The following ANKRD11 variants were observed in gnomAD, a reference collection of about 807,000 sequenced individuals.
The protein encoded by ANKRD11 is ankyrin repeat domain-containing protein 11.
A neutral mutation model predicts 195.7 loss-of-function variants in ANKRD11; 17 were observed. The observed-to-expected ratio is 0.09, with a 90% CI of 0.06 to 0.13. The LOEUF (loss-of-function observed/expected upper bound fraction) is 0.13. Ranked by LOEUF, ANKRD11 falls within the 10% of genes least tolerant of loss-of-function variation. ANKRD11 has a pLI of 1.00. For missense variants in ANKRD11, 3,735 were observed against 3,566.1 expected (o/e 1.05, Z -1.21); for synonymous variants, 1,953 against 1,528.1 (o/e 1.28, Z -6.49).
chr16:89,439,537 G>A (rs949380479), intron 1 of ANKRD11, among the ~76,000 whole-genome samples: 4 of 152,104 alleles, frequency 2.6e-5, no homozygotes, highest in African/African-American at 9.7e-5. Context: ...CAGGGATATG[G>A]GTGAGAAAAC....
chr16:89,469,423 G>A (rs1172398797), intron 1 of ANKRD11, among the ~76,000 whole-genome samples: 1 of 151,896 alleles, frequency 6.6e-6, no homozygotes, highest in African/African-American at 2.4e-5. Flanking sequence ...GGGTTTCACT[G>A]TGTTGCCCAG....
chr16:89,367,707 T>C (rs563253212), intron 2 of ANKRD11, among the ~76,000 whole-genome samples: 2 of 152,232 alleles, frequency 1.3e-5, no homozygotes, highest in African/African-American at 4.8e-5. Flanking sequence ...TTTTTGCAGA[T>C]TGGTGAGTAC....
intron 2 of ANKRD11, among the ~76,000 whole-genome samples, chr16:89,368,847 T>A (rs1000209067): frequency 6.6e-6 from 1 of 151,816 alleles, no homozygotes; most frequent in Non-Finnish European, 1.5e-5. Context: ...CCACAGTGAG[T>A]CCTGACCAAG....
intron 2 of ANKRD11, among the ~76,000 whole-genome samples, chr16:89,365,280 G>A (rs772417445): frequency 1.3e-5 from 2 of 152,300 alleles, no homozygotes; most frequent in Admixed American, 6.5e-5. Context: ...ATCTTATCAC[G>A]TAGTCTAAAC....
chr16:89,289,340 G>A (rs2034872173), intron 6 of ANKRD11, among the ~76,000 whole-genome samples: 1 of 152,220 alleles, frequency 6.6e-6, no homozygotes, highest in Non-Finnish European at 1.5e-5. Context: ...AACCAGGGCA[G>A]TTGGAGAAAT....
intron 2 of ANKRD11, among the ~76,000 whole-genome samples, chr16:89,410,194 G>A (rs188114583): frequency 4.7e-4 from 71 of 152,216 alleles, no homozygotes; most frequent in African/African-American, 1.5e-3. Flanking sequence ...AATTTCACAC[G>A]GAGCAGGCAC....
chr16:89,288,340 C>T, intron 7 of ANKRD11, 188 bp downstream of exon 7: 1 of 932,626 alleles, frequency 1.1e-6, no homozygotes, highest in Non-Finnish European at 1.7e-6. Flanking sequence ...AGAGGCCGTC[C>T]AGGCTGACCC....
rs537871305 is a variant in ANKRD11 at position 89,288,513 on chromosome 16, C to T, written c.744+15G>A. 2.1e-5 allele frequency: 34 copies of T among 1,613,984 alleles called. No individual in the cohort carries two copies. Among genetic ancestry groups the T allele is most frequent in the Admixed American group, 3.3e-5 (2 of 60,016 alleles). On this transcript the variant is annotated intron_variant, in intron 7 of 12. Transcript: ENST00000301030. ...CAGGACAGGCCGGATGTGTGAAGAACGGGGGGATGCCAACCTTGTAGTGCC... is the reference window on the plus strand; with the variant it reads ...CAGGACAGGCCGGATGTGTGAAGAATGGGGGGATGCCAACCTTGTAGTGCC...
chr16:89,335,608 T>A (rs1268348732), intron 2 of ANKRD11, among the ~76,000 whole-genome samples: 1 of 152,008 alleles, frequency 6.6e-6, no homozygotes, highest in Non-Finnish European at 1.5e-5. Context: ...GAACCTTTGG[T>A]TTGCAAAGCC....
At chr16:89,389,875 G>A (rs1234374025) in intron 2 of ANKRD11, among the ~76,000 whole-genome samples, 1 of 131,490 alleles carries the variant, frequency 7.6e-6, no homozygotes, top group Admixed American at 7.8e-5. Flanking sequence ...GATCACTGGG[G>A]CGAACACCGA....
intron 1 of ANKRD11, among the ~76,000 whole-genome samples, chr16:89,471,846 C>T (rs1466143552): frequency 1.5e-5 from 2 of 137,910 alleles, no homozygotes; most frequent in African/African-American, 5.5e-5. Flanking sequence ...AACTCACATA[C>T]AACTCACAGC....
intron 2 of ANKRD11, among the ~76,000 whole-genome samples, chr16:89,356,010 G>GGCT (rs2039457083): frequency 6.6e-6 from 1 of 152,166 alleles, no homozygotes; most frequent in Non-Finnish European, 1.5e-5. Context: ...CCGCCCTGGG[G>GGCT]GCTGAGGCGA....
chr16:89,432,236 T>TAC (rs59807718), intron 1 of ANKRD11, among the ~76,000 whole-genome samples: 3,456 of 142,892 alleles, frequency 0.024, 80 homozygotes, highest in East Asian at 0.1. Context: ...CGTGATGCAG[T>TAC]ACACACACAC....
At position 89,372,047 on chromosome 16, in the gene ANKRD11, C is replaced by G. The variant is rs149190126; in HGVS notation, c.-60+46237G>C. On this transcript the variant is annotated intron_variant, in intron 2 of 12. Transcript: ENST00000301030. ...GTGAAGCCAGGACTGAGCACTCACA[C>G]TGAAACCAGTGGGTCCCCAGGTGGA... 8.4e-3 allele frequency among the ~76,000 whole-genome samples: 1,274 copies of G among 152,338 alleles called. 15 individuals are homozygous for G. Among genetic ancestry groups the G allele is most frequent in the African/African-American group, 0.029 (1,218 of 41,566 alleles).
chr16:89,457,542 G>A (rs957623672), intron 1 of ANKRD11, among the ~76,000 whole-genome samples: 1 of 148,038 alleles, frequency 6.8e-6, no homozygotes, highest in African/African-American at 2.5e-5. Flanking sequence ...AGGCTGCAGT[G>A]AGCTGAGATC....
chr16:89,281,014 A>G lies in ANKRD11; in HGVS notation c.5528T>C (p.Phe1843Ser), dbSNP rs770841411. 12 of 1,587,612 alleles carry G rather than the reference A, an allele frequency of 7.6e-6. No individual in the cohort carries two copies. The highest frequency in any genetic ancestry group is 1.1e-5 in the South Asian group (1 of 87,586). ...GTAGTACCCTGGCGACAAGCAGGCA[A>G]ACTTCTCCGCGGGAACCGGGGGCAG... ...APLPPVPAEK[F>S]ACLSPGYYSP... Residue 1843 changes from phenylalanine to serine, a missense_variant, in exon 9 of 13, where the codon TTT becomes TCT. Phe to Ser is a radical substitution (Grantham distance 155). Transcript: ENST00000301030. The surrounding 1 kb of genome is among the most constrained non-coding windows in gnomAD (Gnocchi z 5.5).
chr16:89,318,787 T>C (rs2037121079), intron 2 of ANKRD11, among the ~76,000 whole-genome samples: 1 of 152,212 alleles, frequency 6.6e-6, no homozygotes, highest in South Asian at 2.1e-4. Context: ...GGTGAAGTTA[T>C]TCTGGAGAGA....
chr16:89,402,671 G>A (rs1395121496), intron 2 of ANKRD11, among the ~76,000 whole-genome samples: 1 of 148,534 alleles, frequency 6.7e-6, no homozygotes, highest in African/African-American at 2.5e-5. Context: ...GGTGAAGGGG[G>A]TGGTTCTGCG....
At chr16:89,271,076 C>G (rs2033110212) in intron 11 of ANKRD11, 167 bp from the exon 12 acceptor site, 1 of 694,200 alleles carries the variant, frequency 1.4e-6, no homozygotes, top group Non-Finnish European at 2.6e-6. Context: ...GCAGGCGCAC[C>G]CTGCCCATCT....
Sources: gnomAD v4.1 joint callset for allele counts (sites outside exome capture counted in the v4.1 genomes callset) on GRCh38, gnomAD v4.1.1 for gene constraint, Gnocchi (gnomAD v3.1) non-coding constraint, MANE v1.5 for transcripts, NCBI Gene and HGNC (gene_info 2026-07-23, HGNC 2026-07-21) for gene names.